The following FKBP5 variants were observed in gnomAD, a reference collection of about 807,000 sequenced individuals.
FKBP5 encodes the protein FKBP prolyl isomerase 5, also known as peptidyl-prolyl cis-trans isomerase FKBP5.
In FKBP5, 23 loss-of-function variants were observed where a neutral mutation model predicts 50.5. The ratio of observed to expected loss-of-function variants is 0.46; its 90% confidence interval spans 0.33 to 0.65. FKBP5 has a LOEUF of 0.65. FKBP5 is among the 30% of genes least tolerant of loss of function. The pLI, the probability that FKBP5 is intolerant of heterozygous loss-of-function variation, is 0.02. For missense variants in FKBP5, 411 were observed against 553.1 expected (o/e 0.74, Z 2.58); for synonymous variants, 176 against 190.6 (o/e 0.92, Z 0.63).
chr6:35,699,182 C>T (rs1336237259), intron 2 of FKBP5, among the ~76,000 whole-genome samples: 2 of 152,142 alleles, frequency 1.3e-5, no homozygotes, highest in Non-Finnish European at 2.9e-5. Flanking sequence ...CAAGGGTCTC[C>T]AGCTCTTCTC....
chr6:35,623,728 T>A (rs1175397397), intron 3 of FKBP5, among the ~76,000 whole-genome samples: 1 of 151,722 alleles, frequency 6.6e-6, no homozygotes, highest in Non-Finnish European at 1.5e-5. Flanking sequence ...TACCACCACA[T>A]TGGGCTAATT....
chr6:35,607,073 G>A (rs908329590), intron 5 of FKBP5, among the ~76,000 whole-genome samples: 11 of 152,064 alleles, frequency 7.2e-5, no homozygotes, highest in Non-Finnish European at 1.3e-4. Flanking sequence ...AAGTAGCTGG[G>A]ACTACAGGCG....
At chr6:35,624,945 G>A (rs1763951484) in intron 3 of FKBP5, among the ~76,000 whole-genome samples, 1 of 152,160 alleles carries the variant, frequency 6.6e-6, no homozygotes, top group Non-Finnish European at 1.5e-5. Flanking sequence ...CCACACCACA[G>A]AACAAGAAAC....
chr6:35,673,340 A>T (rs757643726), intron 1 of FKBP5, among the ~76,000 whole-genome samples: 1 of 152,198 alleles, frequency 6.6e-6, no homozygotes, highest in Non-Finnish European at 1.5e-5. Flanking sequence ...ACTTGAGGCC[A>T]GGAGTTCAAG....
At chr6:35,686,882 C>T (rs1765841990) in intron 1 of FKBP5, among the ~76,000 whole-genome samples, 1 of 152,134 alleles carries the variant, frequency 6.6e-6, no homozygotes, top group South Asian at 2.1e-4. Flanking sequence ...ACCCAAAATT[C>T]CCATAACTAA....
intron 3 of FKBP5, among the ~76,000 whole-genome samples, chr6:35,631,581 T>A (rs569042673): frequency 4.5e-4 from 68 of 152,136 alleles, no homozygotes; most frequent in African/African-American, 1.6e-3. Context: ...AATACCTCAA[T>A]AAAAAAACCA....
intron 1 of FKBP5, among the ~76,000 whole-genome samples, chr6:35,667,029 G>C (rs200644787): frequency 5.7e-5 from 2 of 35,286 alleles, no homozygotes; most frequent in Non-Finnish European, 5.5e-5. Context: ...CTGTGTGTGT[G>C]TGTGTGTGTG....
chr6:35,649,018 A>G (rs1764708985), intron 1 of FKBP5, among the ~76,000 whole-genome samples: 1 of 152,138 alleles, frequency 6.6e-6, no homozygotes. Flanking sequence ...TTGGGAGGCC[A>G]AGGCAGACGG....
intron 1 of FKBP5, among the ~76,000 whole-genome samples, chr6:35,681,782 C>T (rs1267366475): frequency 2.0e-5 from 3 of 151,890 alleles, no homozygotes; most frequent in African/African-American, 7.3e-5. Flanking sequence ...ATATAGCAAC[C>T]ATATATACCA....
intron 2 of FKBP5, among the ~76,000 whole-genome samples, chr6:35,712,012 T>C (rs1054121009): frequency 6.9e-6 from 1 of 145,162 alleles, no homozygotes; most frequent in African/African-American, 2.6e-5. Context: ...TTGCTGGGAC[T>C]ACAGGTGTGT....
chr6:35,677,989 G>A (rs1311743972), intron 1 of FKBP5, among the ~76,000 whole-genome samples: 1 of 151,828 alleles, frequency 6.6e-6, no homozygotes, highest in Admixed American at 6.6e-5. Context: ...TTACATCGAG[G>A]GCATATCTTA....
chr6:35,717,349 C>T (rs556888927), intron 2 of FKBP5, among the ~76,000 whole-genome samples: 10 of 152,198 alleles, frequency 6.6e-5, no homozygotes, highest in East Asian at 5.8e-4. Flanking sequence ...TGTGCCTGTG[C>T]GCCCATGTGT....
chr6:35,647,874 T>C (rs1034516587), intron 1 of FKBP5, among the ~76,000 whole-genome samples: 1 of 152,260 alleles, frequency 6.6e-6, no homozygotes, highest in Admixed American at 6.5e-5. Flanking sequence ...CCTTAACTGC[T>C]GAAGACAAGT....
chr6:35,604,376 G>A (rs1763242362), intron 5 of FKBP5, among the ~76,000 whole-genome samples: 1 of 152,136 alleles, frequency 6.6e-6, no homozygotes, highest in African/African-American at 2.4e-5. Flanking sequence ...TTGGAAGAAA[G>A]AAATTATATA....
intron 7 of FKBP5, among the ~76,000 whole-genome samples, chr6:35,590,420 G>C (rs1375577542): frequency 1.3e-5 from 2 of 152,170 alleles, no homozygotes; most frequent in African/African-American, 4.8e-5. Flanking sequence ...CCAGGGGCAC[G>C]TGGCCGAAGA....
Position 35,582,019 on chromosome 6 carries a change from G to A in FKBP5, c.841-1798C>T, listed in dbSNP as rs567583653. On this transcript the variant is annotated intron_variant, in intron 8 of 10. Transcript: ENST00000357266. ...ACTTCAAGTGGGTGATGTAAGAAAC[G>A]AGCTCTGCCTGTAGAAAGGAAGCCC... The A allele has an allele frequency of 6.0e-5, 59 of 985,562 alleles. 1 individual carries two copies. The highest frequency in any genetic ancestry group is 1.4e-4 in the African/African-American group (8 of 57,370). The allele number at this position is 985,562 out of a possible 1,614,324, so 61.1% of individuals were successfully genotyped here.
At chr6:35,588,955 C>A (rs1056111180) in intron 7 of FKBP5, among the ~76,000 whole-genome samples, 1 of 150,810 alleles carries the variant, frequency 6.6e-6, no homozygotes, top group Non-Finnish European at 1.5e-5. Context: ...GTTGCCCAAG[C>A]TGGTTTTGAA....
intron 1 of FKBP5, among the ~76,000 whole-genome samples, chr6:35,667,821 T>G (rs1358108125): frequency 6.6e-6 from 1 of 151,294 alleles, no homozygotes; most frequent in Non-Finnish European, 1.5e-5. Flanking sequence ...AAAAATCAAC[T>G]AGGCATGGTG....
intron 6 of FKBP5, among the ~76,000 whole-genome samples, chr6:35,592,616 A>G (rs772601137): frequency 1.3e-5 from 2 of 152,238 alleles, no homozygotes; most frequent in Non-Finnish European, 2.9e-5. Context: ...GTCCTTGCTA[A>G]GCACATATTT....
Sources: allele counts gnomAD v4.1 joint callset (sites outside exome capture counted in the v4.1 genomes callset), GRCh38; gene constraint gnomAD v4.1.1; transcripts MANE v1.5; gene names NCBI Gene and HGNC (gene_info 2026-07-23, HGNC 2026-07-21).